Variants in NHSL1 observed in about 807,000 individuals in gnomAD.
The protein encoded by NHSL1 is NHS like 1, also known as NHS-like protein 1.
NHSL1 carries 48 observed loss-of-function variants against 95.0 expected under a neutral mutation model. That is an observed-to-expected ratio of 0.51 (90% CI 0.40 to 0.64). The LOEUF (loss-of-function observed/expected upper bound fraction) is 0.64. NHSL1 is among the 30% of genes least tolerant of loss of function. The probability of loss-of-function intolerance (pLI) is 0.00; values close to 1 mark genes in which losing one functional copy is unlikely to be tolerated. For missense variants in NHSL1, 1,971 were observed against 2,077.7 expected, an observed-to-expected ratio of 0.95 and a Z score of 1.00; for synonymous variants, 783 against 833.9, an observed-to-expected ratio of 0.94 and a Z score of 1.05.
intron 1 of NHSL1, among the ~76,000 whole-genome samples, chr6:138,628,333 G>T (rs911631212): frequency 6.6e-6 from 1 of 151,354 alleles, no homozygotes; most frequent in Non-Finnish European, 1.5e-5. Flanking sequence ...AAGAAAAAAA[G>T]TGGTATATCC....
Position 138,499,456 on chromosome 6 carries a change from T to C in NHSL1, c.-166A>G. 2 of 1,396,678 alleles carry C rather than the reference T, an allele frequency of 1.4e-6. No homozygotes were observed. The highest frequency in any genetic ancestry group is 1.9e-6 in the Non-Finnish European group (2 of 1,065,966). The allele number at this position is 1,396,678 out of a possible 1,614,324, so 86.5% of individuals were successfully genotyped here. Reference sequence around the variant, plus strand: ...GCTGATGTAACTGAGGTTGAGTTTATTGTCAGGCAGTTACAAACCATTAAC... The same window carrying C: ...GCTGATGTAACTGAGGTTGAGTTTACTGTCAGGCAGTTACAAACCATTAAC... On this transcript the variant is annotated 5_prime_UTR_variant, in exon 1 of 8. Coordinates refer to ENST00000343505, the MANE Select transcript of NHSL1 (RefSeq NM_001144060.2).
At chr6:138,502,293 G>C (rs761416128), upstream of NHSL1, among the ~76,000 whole-genome samples, 4 of 152,162 alleles carry the variant, frequency 2.6e-5, no homozygotes, top group Admixed American at 1.3e-4. Context: ...TTACATCCTT[G>C]ATATGAGCAT....
chr6:138,429,755 G>C lies in NHSL1; in HGVS notation c.4041C>G (p.Pro1347=). ...GGTCTTCTGTGGTCCTGGGTCGACTGGGGGTCATTACCTCATCATTCCCGT... is the reference window on the plus strand; with the variant it reads ...GGTCTTCTGTGGTCCTGGGTCGACTCGGGGTCATTACCTCATCATTCCCGT... The part of the protein sequence containing the change: ...KEDGNDEVMT[P]SRPRTTEDLF... Residue 1347 remains proline (P), a synonymous_variant, in exon 7 of 8, where the codon CCC becomes CCG. Transcript: ENST00000343505. The C allele has an allele frequency of 1.9e-6, 3 of 1,551,812 alleles. No homozygotes were observed.
At position 138,590,711 on chromosome 6, in the gene NHSL1, C is replaced by T. The variant is rs560997180; in HGVS notation, c.97-94340G>A. 8.5e-5 allele frequency among the ~76,000 whole-genome samples: 13 copies of T among 152,274 alleles called. No homozygotes were observed. The South Asian group carries it at 1.7e-3, about 19-fold the overall frequency. On this transcript the variant is annotated intron_variant, in intron 1 of 3. Coordinates refer to the NHSL1 transcript ENST00000491526. ...TGTTTACCCTCTCCATTGGGAGAAT[C>T]GGCATAGTACCAGGAAGCCTGGTCA...
intron 1 of NHSL1, among the ~76,000 whole-genome samples, chr6:138,662,090 A>G (rs903842166): frequency 6.6e-6 from 1 of 152,016 alleles, no homozygotes; most frequent in Non-Finnish European, 1.5e-5. Flanking sequence ...TAGTAATAAC[A>G]ATAATAATAA....
intron 3 of NHSL1, among the ~76,000 whole-genome samples, chr6:138,472,183 C>CCAA (rs1778796932): frequency 1.1e-5 from 1 of 92,446 alleles, no homozygotes; most frequent in East Asian, 2.8e-4. Context: ...AAGATCTCAC[C>CCAA]AAAAAAAAAA....
At chr6:138,461,348 G>A (rs1411807115) in intron 3 of NHSL1, among the ~76,000 whole-genome samples, 1 of 152,156 alleles carries the variant, frequency 6.6e-6, no homozygotes, top group Non-Finnish European at 1.5e-5. Flanking sequence ...GAGTCAGACT[G>A]CTACAGAGTA....
At chr6:138,468,463 T>C (rs1013391215) in intron 3 of NHSL1, among the ~76,000 whole-genome samples, 2 of 152,212 alleles carry the variant, frequency 1.3e-5, no homozygotes, top group African/African-American at 4.8e-5. Context: ...CAAGCATTAC[T>C]GCCTGAGCTC....
At chr6:138,666,629 G>C (rs1319177594) in intron 1 of NHSL1, among the ~76,000 whole-genome samples, 2 of 148,656 alleles carry the variant, frequency 1.3e-5, no homozygotes, top group Admixed American at 6.7e-5. Context: ...TGACAAATCT[G>C]TATGAACAGA....
intron 2 of NHSL1, among the ~76,000 whole-genome samples, chr6:138,484,721 T>C (rs1779620516): frequency 6.6e-6 from 1 of 152,108 alleles, no homozygotes; most frequent in Non-Finnish European, 1.5e-5. Flanking sequence ...TTAATTCCTA[T>C]TAGAGTGAAA....
chr6:138,598,390 G>A (rs1294696268), intron 1 of NHSL1, among the ~76,000 whole-genome samples: 3 of 151,852 alleles, frequency 2.0e-5, no homozygotes, highest in Admixed American at 6.6e-5. Context: ...CCTGGGAGGC[G>A]GCAGTTGCAG....
intron 1 of NHSL1, among the ~76,000 whole-genome samples, chr6:138,525,161 G>A (rs1781845986): frequency 6.6e-6 from 1 of 152,058 alleles, no homozygotes; most frequent in Non-Finnish European, 1.5e-5. Context: ...CGCACTAGTT[G>A]AGCTCTAAGT....
intron 1 of NHSL1, among the ~76,000 whole-genome samples, chr6:138,641,164 G>A (rs930303843): frequency 1.3e-5 from 2 of 152,148 alleles, no homozygotes; most frequent in Admixed American, 6.5e-5. Context: ...TTAGCCAGGC[G>A]TGGTGGCATG....
rs117415715 is a variant in NHSL1 at position 138,606,581 on chromosome 6, T to C, written c.96+85895A>G. Among the ~76,000 whole-genome samples the C allele has an allele frequency of 1.8e-3, 279 of 152,282 alleles. 3 individuals are homozygous for C. Among genetic ancestry groups the C allele is most frequent in the Non-Finnish European group, 2.2e-3 (153 of 68,020 alleles). On this transcript the variant is annotated intron_variant, in intron 1 of 3. Transcript: ENST00000491526. ...GTCTCTTGACACCAGCCACCTAGCA[T>C]TGTGTCCCCAGTGCCCATATTCCCC...
chr6:138,426,952 G>C (rs139501873), intron 7 of NHSL1, among the ~76,000 whole-genome samples: 12 of 152,284 alleles, frequency 7.9e-5, no homozygotes, highest in East Asian at 3.9e-4. Flanking sequence ...GTTAGAAATG[G>C]TCTAGTCCAA....
chr6:138,652,440 CAAA>C (rs898637244), intron 1 of NHSL1, among the ~76,000 whole-genome samples: 1 of 86,508 alleles, frequency 1.2e-5, no homozygotes. Context: ...AACTCTATCT[CAAA>C]AAAAAAAAAA....
intron 2 of NHSL1, among the ~76,000 whole-genome samples, chr6:138,481,799 T>C (rs1779431215): frequency 6.6e-6 from 1 of 152,216 alleles, no homozygotes; most frequent in African/African-American, 2.4e-5. Flanking sequence ...CTTTTATATT[T>C]CAAGTATTAA....
At chr6:138,647,105 A>G (rs1785030123) in intron 1 of NHSL1, among the ~76,000 whole-genome samples, 1 of 152,162 alleles carries the variant, frequency 6.6e-6, no homozygotes, top group Non-Finnish European at 1.5e-5. Flanking sequence ...TTCTGTACTA[A>G]TCTCCCAAAA....
At chr6:138,488,106 C>T (rs555946159) in intron 2 of NHSL1, among the ~76,000 whole-genome samples, 8 of 152,002 alleles carry the variant, frequency 5.3e-5, no homozygotes, top group Non-Finnish European at 7.4e-5. Flanking sequence ...GGCAAAATCC[C>T]GTCTGTCCTA....
Sources: gnomAD v4.1 joint callset for allele counts (sites outside exome capture counted in the v4.1 genomes callset) on GRCh38, gnomAD v4.1.1 for gene constraint, MANE v1.5 for transcripts, NCBI Gene and HGNC (gene_info 2026-07-23, HGNC 2026-07-21) for gene names.